Variants in NUCB2 observed in about 807,000 individuals in gnomAD.
NUCB2 encodes the protein nucleobindin 2, also known as nucleobindin-2.
NUCB2 carries 48 observed loss-of-function variants against 57.9 expected under a neutral mutation model. That is an observed-to-expected ratio of 0.83 (90% CI 0.66 to 1.05). NUCB2 has a LOEUF of 1.05. NUCB2 is among the 50% of genes least tolerant of loss of function. The pLI is 0.00. For missense variants in NUCB2, 442 were observed against 476.2 expected, an observed-to-expected ratio of 0.93 and a Z score of 0.67; for synonymous variants, 139 against 152.1, an observed-to-expected ratio of 0.91 and a Z score of 0.64.
At chr11:17,316,616 T>A (rs1338788726) in intron 11 of NUCB2, among the ~76,000 whole-genome samples, 1 of 152,218 alleles carries the variant, frequency 6.6e-6, no homozygotes, top group Non-Finnish European at 1.5e-5. Context: ...AAAAATTTTT[T>A]AAATTTCTCA....
chr11:17,345,219 A>T (rs1347676995), intron 2 of NUCB2, among the ~76,000 whole-genome samples: 1 of 152,148 alleles, frequency 6.6e-6, no homozygotes, highest in Non-Finnish European at 1.5e-5. Context: ...CCTATCCATT[A>T]TTGCTTTTTT....
At chr11:17,297,821 C>T (rs1046716538) in intron 4 of NUCB2, among the ~76,000 whole-genome samples, 4 of 152,116 alleles carry the variant, frequency 2.6e-5, no homozygotes, top group South Asian at 2.1e-4. Context: ...TGGTGGCTCA[C>T]GCCTGTAATC....
At chr11:17,311,990 T>G in intron 9 of NUCB2, 38 bp from the exon 10 acceptor site, 2 of 1,542,104 alleles carry the variant, frequency 1.3e-6, no homozygotes, top group Non-Finnish European at 1.8e-6. Flanking sequence ...CCTGTTACTT[T>G]CTTTCCTTTC....
At chr11:17,328,915 C>T (rs111601111) in intron 11 of NUCB2, among the ~76,000 whole-genome samples, 1 of 152,154 alleles carries the variant, frequency 6.6e-6, no homozygotes, top group Admixed American at 6.5e-5. Context: ...TGGGTCACCC[C>T]GAAGCCAGCA....
chr11:17,326,144 T>G (rs1299193863), intron 11 of NUCB2, among the ~76,000 whole-genome samples: 2 of 150,908 alleles, frequency 1.3e-5, no homozygotes, highest in African/African-American at 4.9e-5. Flanking sequence ...GGGATTATAG[T>G]CATGCACCAC....
At chr11:17,306,379 A>AT (rs1188201407) in intron 5 of NUCB2, among the ~76,000 whole-genome samples, 2 of 152,246 alleles carry the variant, frequency 1.3e-5, no homozygotes, top group Non-Finnish European at 2.9e-5. Context: ...AATAATCTAC[A>AT]TTTTAAACAT....
chr11:17,301,966 C>T (rs1320317389), intron 5 of NUCB2, 96 bp downstream of exon 5: 4 of 1,007,876 alleles, frequency 4.0e-6, no homozygotes, highest in Non-Finnish European at 5.8e-6. Flanking sequence ...GTGGCACAAT[C>T]ACAGTTCACT....
intron 4 of NUCB2, among the ~76,000 whole-genome samples, chr11:17,297,237 A>G (rs1277535610): frequency 6.6e-6 from 1 of 152,192 alleles, no homozygotes; most frequent in Non-Finnish European, 1.5e-5. Flanking sequence ...TTCTTAAAAA[A>G]TTACGTTGCT....
intron 13 of NUCB2, 126 bp from the exon 14 acceptor site, chr11:17,331,286 T>G (rs1194000187): frequency 1.9e-6 from 1 of 525,706 alleles, no homozygotes; most frequent in Non-Finnish European, 3.3e-6. Context: ...GAGAATATGT[T>G]TTTTAAAATT....
intron 11 of NUCB2, among the ~76,000 whole-genome samples, chr11:17,329,084 C>G (rs1951054776): frequency 6.6e-6 from 1 of 152,032 alleles, no homozygotes; most frequent in South Asian, 2.1e-4. Flanking sequence ...GAAATGTCAC[C>G]TGGGAGCTAG....
chr11:17,340,680 G>A (rs1190226092), intron 2 of NUCB2, among the ~76,000 whole-genome samples: 3 of 152,132 alleles, frequency 2.0e-5, no homozygotes, highest in African/African-American at 7.2e-5. Flanking sequence ...CATTATTTCT[G>A]AGGGCTCTGT....
intron 13 of NUCB2, 91 bp from the exon 14 acceptor site, chr11:17,331,320 AT>A: frequency 1.5e-6 from 1 of 667,444 alleles, no homozygotes; most frequent in Non-Finnish European, 2.4e-6. Context: ...AGCTAAGCAT[AT>A]TTTTTAAAAC....
intron 1 of NUCB2, chr11:17,278,378 T>C (rs1193644810): frequency 2.0e-5 from 3 of 152,062 alleles, no homozygotes; most frequent in Non-Finnish European, 4.4e-5. Context: ...AGTTTCACCA[T>C]GTTGGCCAGG....
chr11:17,309,181 C>T (rs891429013), intron 5 of NUCB2, among the ~76,000 whole-genome samples: 1 of 151,758 alleles, frequency 6.6e-6, no homozygotes, highest in African/African-American at 2.4e-5. Context: ...ATTAGCCAGG[C>T]GTAGTGGTGC....
chr11:17,340,389 A>G (rs1952157703), intron 2 of NUCB2, among the ~76,000 whole-genome samples: 1 of 149,754 alleles, frequency 6.7e-6, no homozygotes, highest in African/African-American at 2.5e-5. Context: ...TTTTGTTGCC[A>G]TTGCTTTTGG....
chr11:17,309,655 T>C lies in NUCB2; in HGVS notation c.463T>C (p.Leu155=). The C allele has an allele frequency of 6.2e-7, 1 of 1,600,174 alleles. No homozygotes were observed. The highest frequency in any genetic ancestry group is 1.1e-5 in the South Asian group (1 of 88,200). ...LNPDKFESTD[L]DMLIKAATSD... Reference sequence around the variant, plus strand: ...TCCTGACAAGTTTGAATCCACAGATTTAGATATGCTAATCAAAGCGGTGAG... The same window carrying C: ...TCCTGACAAGTTTGAATCCACAGATCTAGATATGCTAATCAAAGCGGTGAG... The change falls in exon 6 of 14, where the codon TTA becomes CTA. Residue 155 remains leucine (L), a synonymous_variant. Transcript: ENST00000529010.
intron 4 of NUCB2, among the ~76,000 whole-genome samples, chr11:17,298,551 C>A (rs537479363): frequency 6.6e-6 from 1 of 151,596 alleles, no homozygotes; most frequent in Non-Finnish European, 1.5e-5. Context: ...CCGCATGACA[C>A]AGAGCGAGAC....
intron 2 of NUCB2, among the ~76,000 whole-genome samples, chr11:17,344,590 T>A (rs1214914499): frequency 6.6e-6 from 1 of 152,202 alleles, no homozygotes; most frequent in Non-Finnish European, 1.5e-5. Flanking sequence ...AGCCACCAGC[T>A]TTATGGGACT....
At chr11:17,345,422 T>A (rs1286874011) in intron 2 of NUCB2, among the ~76,000 whole-genome samples, 1 of 152,184 alleles carries the variant, frequency 6.6e-6, no homozygotes, top group Non-Finnish European at 1.5e-5. Flanking sequence ...AAATGTAACC[T>A]TTTTGGCTGG....
Sources: allele counts gnomAD v4.1 joint callset (sites outside exome capture counted in the v4.1 genomes callset), GRCh38; gene constraint gnomAD v4.1.1; transcripts MANE v1.5; gene names NCBI Gene and HGNC (gene_info 2026-07-23, HGNC 2026-07-21).